Variants in GABRB3 observed in about 807,000 individuals in gnomAD.
The protein encoded by GABRB3 is gamma-aminobutyric acid receptor subunit beta-3.
GABRB3 carries 14 observed loss-of-function variants against 52.1 expected under a neutral mutation model. The observed-to-expected ratio is 0.27, with a 90% CI of 0.18 to 0.42. The LOEUF (loss-of-function observed/expected upper bound fraction) is 0.42, where lower values mean the gene tolerates loss of function less well. Among genes scored for constraint, GABRB3 ranks in the 10% least tolerant of loss-of-function variants. GABRB3 has a pLI of 1.00. For missense variants in GABRB3, 307 were observed against 609.1 expected (o/e 0.50, Z 5.22); for synonymous variants, 260 against 232.3 (o/e 1.12, Z -1.08).
At chr15:26,706,295 C>G (rs1053951654) in intron 3 of GABRB3, among the ~76,000 whole-genome samples, 1 of 152,166 alleles carries the variant, frequency 6.6e-6, no homozygotes, top group Non-Finnish European at 1.5e-5. Context: ...ATGACACATA[C>G]TTATCCATAA....
intron 8 of GABRB3, among the ~76,000 whole-genome samples, chr15:26,556,434 A>G (rs1394460430): frequency 6.6e-6 from 1 of 152,218 alleles, no homozygotes; most frequent in African/African-American, 2.4e-5. Flanking sequence ...AATGATGTTG[A>G]GTCTGCAGCT....
chr15:26,716,633 G>T, intron 3 of GABRB3: 1 of 1,002,428 alleles, frequency 1.0e-6, no homozygotes, highest in Non-Finnish European at 1.2e-6. Flanking sequence ...GAGGCCTCTT[G>T]TGGGTTCTCA....
intron 3 of GABRB3, among the ~76,000 whole-genome samples, chr15:26,654,796 T>C (rs949606815): frequency 6.6e-6 from 1 of 152,076 alleles, no homozygotes; most frequent in Non-Finnish European, 1.5e-5. Context: ...TCATTTATCT[T>C]TGTAAATTTT....
rs187940822 is a variant in GABRB3, at chr15:26,621,061, G to C, written c.461+253C>G. On this transcript the variant is annotated intron_variant, in intron 4 of 8. Coordinates refer to ENST00000311550, the MANE Select transcript of GABRB3 (RefSeq NM_000814.6). This position sits in a 1 kb window ranked among gnomAD's most constrained non-coding sequence, Gnocchi z 4.1. ...CATCCTGAGGGAATCTGTGTTCTTAGACATGGCAATCCAATTATATACAAT... is the reference window on the plus strand; with the variant it reads ...CATCCTGAGGGAATCTGTGTTCTTACACATGGCAATCCAATTATATACAAT... Among the ~76,000 whole-genome samples, 381 of 141,118 alleles carry C rather than the reference G, an allele frequency of 2.7e-3. 3 individuals carry two copies. Among genetic ancestry groups the C allele is most frequent in the South Asian group, 0.023 (99 of 4,332 alleles). 92.6% of individuals were successfully genotyped at this position (141,118 alleles called of 152,430 possible).
chr15:26,618,164 A>G (rs1892333692), intron 4 of GABRB3, among the ~76,000 whole-genome samples: 3 of 152,148 alleles, frequency 2.0e-5, no homozygotes, highest in African/African-American at 7.2e-5. Flanking sequence ...GGAAAAAACT[A>G]CTTTAAAGTT....
At chr15:26,773,409 C>T (rs891855332), upstream of GABRB3, among the ~76,000 whole-genome samples, 31 of 151,296 alleles carry the variant, frequency 2.0e-4, no homozygotes, top group African/African-American at 7.2e-4. Context: ...TGAGCCGGCT[C>T]CTCTGGGCTC....
chr15:26,738,703 G>A (rs10519567), intron 3 of GABRB3, among the ~76,000 whole-genome samples: 22,240 of 151,824 alleles, frequency 0.15, 2,013 homozygotes, highest in East Asian at 0.3. Context: ...TTGGAATTCC[G>A]TCCCAGACAA....
At chr15:26,715,164 T>C (rs929535457) in intron 3 of GABRB3, among the ~76,000 whole-genome samples, 5 of 152,122 alleles carry the variant, frequency 3.3e-5, no homozygotes, top group African/African-American at 1.2e-4. Flanking sequence ...AGAGAGTCTC[T>C]CTCACCAGGA....
intron 3 of GABRB3, among the ~76,000 whole-genome samples, chr15:26,749,110 G>A (rs937342854): frequency 5.3e-5 from 8 of 152,082 alleles, no homozygotes; most frequent in African/African-American, 1.9e-4. Context: ...TAGTTTTTGA[G>A]GACTTAAATT....
intron 3 of GABRB3, chr15:26,624,456 C>T: frequency 3.0e-6 from 3 of 985,474 alleles, no homozygotes; most frequent in Non-Finnish European, 3.6e-6. Context: ...TGGCTTGCCA[C>T]AAGAAGGGAG....
At chr15:26,665,154 T>C (rs1887670689) in intron 3 of GABRB3, among the ~76,000 whole-genome samples, 2 of 152,226 alleles carry the variant, frequency 1.3e-5, no homozygotes, top group Non-Finnish European at 2.9e-5. Context: ...TTTTTAACTA[T>C]AGTCGCCCTA....
At chr15:26,649,544 GGTAGT>G (rs1248703136) in intron 3 of GABRB3, among the ~76,000 whole-genome samples, 1 of 152,166 alleles carries the variant, frequency 6.6e-6, no homozygotes, top group Non-Finnish European at 1.5e-5. Context: ...CATGACTGGA[GGTAGT>G]GTAAAGAGAA....
intron 3 of GABRB3, among the ~76,000 whole-genome samples, chr15:26,696,431 G>A (rs1057499369): frequency 1.3e-5 from 2 of 152,068 alleles, no homozygotes; most frequent in African/African-American, 4.8e-5. Context: ...GCCCGATGAC[G>A]TAGAGCAGAA....
intron 3 of GABRB3, among the ~76,000 whole-genome samples, chr15:26,687,498 C>T (rs1180122133): frequency 6.6e-6 from 1 of 152,136 alleles, no homozygotes; most frequent in Non-Finnish European, 1.5e-5. Context: ...TTCCTCTCTT[C>T]CTCCGCCTGC....
intron 4 of GABRB3, among the ~76,000 whole-genome samples, chr15:26,587,382 C>A (rs1367584088): frequency 6.6e-6 from 1 of 152,062 alleles, no homozygotes; most frequent in African/African-American, 2.4e-5. Flanking sequence ...AAAAGGTAAC[C>A]ATCAAGATAG....
At chr15:26,747,049 T>C (rs1435535750) in intron 3 of GABRB3, among the ~76,000 whole-genome samples, 1 of 152,208 alleles carries the variant, frequency 6.6e-6, no homozygotes, top group East Asian at 1.9e-4. Flanking sequence ...TGTGGGTCTA[T>C]TTCTGAATTG....
intron 6 of GABRB3, among the ~76,000 whole-genome samples, chr15:26,573,250 A>G (rs1890473214): frequency 1.3e-5 from 2 of 152,152 alleles, no homozygotes; most frequent in African/African-American, 2.4e-5. Flanking sequence ...TGATTCATTT[A>G]TTATCTATCT....
Position 26,545,623 on chromosome 15 carries a change from G to A in GABRB3, c.*2170C>T, listed in dbSNP as rs754516438. On this transcript the variant is annotated 3_prime_UTR_variant, in exon 9 of 9. Transcript: ENST00000311550. Reference sequence around the variant, plus strand: ...TTACTGGATACAGAAAAAGATACCTGAAGTATTGAAAGGGATAAGGTCTTT... The same window carrying A: ...TTACTGGATACAGAAAAAGATACCTAAAGTATTGAAAGGGATAAGGTCTTT... The A allele has an allele frequency of 6.6e-6, 1 of 152,522 alleles. No homozygotes were observed. The highest frequency in any genetic ancestry group is 2.1e-4 in the South Asian group (1 of 4,822). The allele number at this position is 152,522 out of a possible 1,614,324, so 9.4% of individuals were successfully genotyped here.
intron 6 of GABRB3, among the ~76,000 whole-genome samples, chr15:26,571,963 T>C (rs551959322): frequency 3.0e-4 from 46 of 151,208 alleles, no homozygotes; most frequent in Admixed American, 5.3e-4. Context: ...AGGAGATCGT[T>C]TGAACCTGGG....
Sources: allele counts gnomAD v4.1 joint callset (sites outside exome capture counted in the v4.1 genomes callset), GRCh38; gene constraint gnomAD v4.1.1; non-coding constraint Gnocchi (gnomAD v3.1); transcripts MANE v1.5; gene names NCBI Gene and HGNC (gene_info 2026-07-23, HGNC 2026-07-21).